The following SCARA3 variants were observed in gnomAD, a reference collection of about 807,000 sequenced individuals.
The protein encoded by SCARA3 is scavenger receptor class A member 3, also known as cellular stress response gene protein.
A neutral mutation model predicts 47.0 loss-of-function variants in SCARA3; 39 were observed. The ratio of observed to expected loss-of-function variants is 0.83; its 90% CI spans 0.64 to 1.08. The LOEUF (loss-of-function observed/expected upper bound fraction) is 1.08. SCARA3 is among the 50% of genes least tolerant of loss of function. The pLI, the probability that SCARA3 is intolerant of heterozygous loss-of-function variation, is 0.00. For missense variants in SCARA3, 724 were observed against 792.3 expected (o/e 0.91, Z 1.04); for synonymous variants, 356 against 334.1 (o/e 1.07, Z -0.71).
the SCARA3 span, among the ~76,000 whole-genome samples, chr8:27,683,998 C>G: frequency 1.3e-5 from 2 of 152,108 alleles, no homozygotes; most frequent in Non-Finnish European, 2.9e-5. Context: ...AAAGGCAAAG[C>G]TACTCTGTGA....
chr8:27,705,497 C>T, the SCARA3 span, among the ~76,000 whole-genome samples: 1 of 152,246 alleles, frequency 6.6e-6, no homozygotes, highest in African/African-American at 2.4e-5. Flanking sequence ...GACAGGGGCT[C>T]CTTGGCTGTG....
downstream of SCARA3, among the ~76,000 whole-genome samples, chr8:27,674,330 T>G (rs986332492): frequency 3.9e-5 from 6 of 152,150 alleles, no homozygotes; most frequent in African/African-American, 1.4e-4. Flanking sequence ...ATGATGGAGG[T>G]GCCTCGGTGG....
intron 5 of SCARA3, among the ~76,000 whole-genome samples, chr8:27,667,861 G>A (rs953226183): frequency 3.3e-5 from 5 of 152,232 alleles, no homozygotes; most frequent in East Asian, 1.9e-4. Flanking sequence ...TAGCCCACGC[G>A]GAGACCCACA....
At chr8:27,681,597 C>T (rs1415428005), downstream of SCARA3, among the ~76,000 whole-genome samples, 3 of 152,010 alleles carry the variant, frequency 2.0e-5, no homozygotes, top group Non-Finnish European at 4.4e-5. Context: ...TGGCATGCAC[C>T]TGTAGCCCCA....
chr8:27,664,969 C>T (rs1801985550), intron 5 of SCARA3, among the ~76,000 whole-genome samples: 1 of 152,228 alleles, frequency 6.6e-6, no homozygotes. Context: ...TTCAGGGACA[C>T]AGTGCACATC....
chr8:27,642,241 T>G (rs1376679484), intron 1 of SCARA3, among the ~76,000 whole-genome samples: 2 of 152,184 alleles, frequency 1.3e-5, no homozygotes, highest in Non-Finnish European at 2.9e-5. Context: ...AAATTGGTCC[T>G]GGGAGTGATG....
rs181791194 is a variant in SCARA3, at chr8:27,666,554, G to A, written c.1370-4346G>A. ...GCCAATATTCTCATGGAGCAGAGGG[G>A]AGCCTGAGCCCCAGCCACGCGCTTT... On this transcript the variant is annotated intron_variant, in intron 5 of 5. Coordinates refer to ENST00000301904, the MANE Select transcript of SCARA3 (RefSeq NM_016240.3). Among the ~76,000 whole-genome samples, 300 of 152,376 alleles carry A rather than the reference G, an allele frequency of 2.0e-3. 2 individuals are homozygous for A. The highest frequency in any genetic ancestry group is 3.3e-3 in the Non-Finnish European group (225 of 68,036).
the SCARA3 span, chr8:27,703,755 C>T: frequency 6.6e-6 from 1 of 151,042 alleles, no homozygotes; most frequent in Non-Finnish European, 1.5e-5. Flanking sequence ...GGAGAACCTA[C>T]AGCAAAATGG....
the SCARA3 span, among the ~76,000 whole-genome samples, chr8:27,728,404 C>T: frequency 6.6e-6 from 1 of 152,338 alleles, no homozygotes; most frequent in East Asian, 1.9e-4. Flanking sequence ...GGGGCCTCTG[C>T]TGCAGTGGGG....
At chr8:27,681,505 C>T (rs986248816), downstream of SCARA3, among the ~76,000 whole-genome samples, 2 of 152,078 alleles carry the variant, frequency 1.3e-5, no homozygotes, top group Non-Finnish European at 2.9e-5. Context: ...AGGAGGCTCA[C>T]TTGAGGCCAA....
intron 5 of SCARA3, among the ~76,000 whole-genome samples, chr8:27,668,311 C>T (rs959208523): frequency 6.6e-6 from 1 of 151,766 alleles, no homozygotes. Context: ...GAGGCCGAGG[C>T]GGGTGGATCA....
At chr8:27,634,428 C>G (rs1464096309) in intron 1 of SCARA3, among the ~76,000 whole-genome samples, 2 of 152,194 alleles carry the variant, frequency 1.3e-5, no homozygotes, top group Non-Finnish European at 2.9e-5. Context: ...CACACCCCCC[C>G]TTGCAGTCCT....
Position 27,659,206 on chromosome 8 carries a change from C to T in SCARA3, c.1036C>T (p.Leu346=). The T allele has an allele frequency of 1.2e-6, 2 of 1,614,194 alleles. No homozygotes were observed. The highest frequency in any genetic ancestry group is 2.7e-5 in the African/African-American group (2 of 75,046). ...CCGCACTGTGGAGAGGTTTGAGTCT[C>T]TGGAAGGACGCATGGCTTCTCACGA... ...QNRTVERFES[L]EGRMASHEIE... is the part of the protein sequence containing the mutation. Residue 346 remains leucine (L), a synonymous_variant, in exon 5 of 6, where the codon CTG becomes TTG. Coordinates refer to ENST00000301904, the MANE Select transcript of SCARA3 (RefSeq NM_016240.3).
the SCARA3 span, among the ~76,000 whole-genome samples, chr8:27,707,693 G>A: frequency 6.6e-6 from 1 of 151,722 alleles, no homozygotes; most frequent in Non-Finnish European, 1.5e-5. Flanking sequence ...GAACTAAAGA[G>A]TGCATGTCAC....
At chr8:27,640,664 G>C (rs1292031009) in intron 1 of SCARA3, among the ~76,000 whole-genome samples, 1 of 152,104 alleles carries the variant, frequency 6.6e-6, no homozygotes, top group Non-Finnish European at 1.5e-5. Context: ...TTTGTTCTTA[G>C]TGCTGGTTTT....
At chr8:27,718,179 C>A in the SCARA3 span, among the ~76,000 whole-genome samples, 1 of 152,268 alleles carries the variant, frequency 6.6e-6, no homozygotes, top group African/African-American at 2.4e-5. Context: ...AAGCTACCTT[C>A]TCTGTGGAAA....
the SCARA3 span, among the ~76,000 whole-genome samples, chr8:27,722,679 AAGCCTTTTTCTCCTT>A: frequency 6.6e-6 from 1 of 152,242 alleles, no homozygotes; most frequent in Admixed American, 6.5e-5. Context: ...ATTCATTTTC[AAGCCTTTTTCTCCTT>A]AGCCTTTCTC....
At chr8:27,645,360 C>A (rs1801471235) in intron 1 of SCARA3, among the ~76,000 whole-genome samples, 1 of 152,250 alleles carries the variant, frequency 6.6e-6, no homozygotes, top group South Asian at 2.1e-4. Flanking sequence ...ATGTGATCAA[C>A]CCTGTGCTGA....
chr8:27,675,119 C>G (rs564227033), downstream of SCARA3, among the ~76,000 whole-genome samples: 12 of 152,274 alleles, frequency 7.9e-5, no homozygotes, highest in Non-Finnish European at 1.2e-4. Flanking sequence ...CCAGGCCAGC[C>G]CACTCCTTTC....
Sources: gnomAD v4.1 joint callset for allele counts (sites outside exome capture counted in the v4.1 genomes callset) on GRCh38, gnomAD v4.1.1 for gene constraint, MANE v1.5 for transcripts, NCBI Gene and HGNC (gene_info 2026-07-23, HGNC 2026-07-21) for gene names.